The following CHRM3 variants were observed in gnomAD, a reference collection of about 807,000 sequenced individuals.
The protein encoded by CHRM3 is cholinergic receptor muscarinic 3.
A neutral mutation model predicts 41.8 loss-of-function variants in CHRM3; 11 were observed. That is an observed-to-expected ratio of 0.26 (90% CI 0.17 to 0.44). The LOEUF is 0.44. Ranked by LOEUF, CHRM3 falls within the 20% of genes least tolerant of loss-of-function variation. The pLI is 1.00. For missense variants in CHRM3, 571 were observed against 745.4 expected (o/e 0.77, Z 2.72); for synonymous variants, 297 against 301.4 (o/e 0.99, Z 0.15).
Position 239,909,236 on chromosome 1 carries a change from A to T in CHRM3, c.*12A>T. The T allele has an allele frequency of 4.4e-6, 7 of 1,588,104 alleles. No homozygotes were observed. The highest frequency in any genetic ancestry group is 6.0e-6 in the Non-Finnish European group (7 of 1,168,438). ...AGCAGGCCTTGTAGAATGAGGTTGT[A>T]TCAATAGCAGTGACAAAACGCACAC... On this transcript the variant is annotated 3_prime_UTR_variant, in exon 7 of 7. Coordinates refer to ENST00000676153, the MANE Select transcript of CHRM3 (RefSeq NM_001375978.1).
intron 1 of CHRM3, among the ~76,000 whole-genome samples, chr1:239,432,088 C>T (rs1558219050): frequency 6.6e-6 from 1 of 151,936 alleles, no homozygotes; most frequent in South Asian, 2.1e-4. Flanking sequence ...ATGGATCACG[C>T]CAAAATGGTT....
intron 6 of CHRM3, among the ~76,000 whole-genome samples, chr1:239,839,365 A>G (rs1021694154): frequency 2.0e-5 from 3 of 152,230 alleles, no homozygotes; most frequent in Non-Finnish European, 4.4e-5. Context: ...GTGGTTCTGC[A>G]TACTGATCAA....
At chr1:239,480,809 C>T (rs574662090) in intron 1 of CHRM3, among the ~76,000 whole-genome samples, 9 of 152,140 alleles carry the variant, frequency 5.9e-5, no homozygotes, top group Admixed American at 2.6e-4. Flanking sequence ...CTGCCCGCCT[C>T]GGCCTCCCAA....
intron 4 of CHRM3, among the ~76,000 whole-genome samples, chr1:239,662,859 CT>C: frequency 6.7e-6 from 1 of 149,956 alleles, no homozygotes; most frequent in Admixed American, 6.7e-5. Flanking sequence ...CTTCCTTCTC[CT>C]TCTCCTTTCT....
intron 4 of CHRM3, among the ~76,000 whole-genome samples, chr1:239,640,867 A>G (rs878964100): frequency 3.4e-5 from 5 of 147,284 alleles, no homozygotes; most frequent in African/African-American, 7.6e-5. Context: ...TAGGGTGTCA[A>G]TTTTGGATCT....
At chr1:239,638,379 G>A (rs1317988967) in intron 4 of CHRM3, among the ~76,000 whole-genome samples, 10 of 152,080 alleles carry the variant, frequency 6.6e-5, no homozygotes, top group East Asian at 3.9e-4. Flanking sequence ...AGTCCCACCA[G>A]CAGTGTAAAA....
chr1:239,472,395 C>T (rs905737424), intron 1 of CHRM3, among the ~76,000 whole-genome samples: 1 of 152,070 alleles, frequency 6.6e-6, no homozygotes, highest in East Asian at 1.9e-4. Flanking sequence ...TAGAGGAAGC[C>T]CTCATTGCTG....
intron 2 of CHRM3, among the ~76,000 whole-genome samples, chr1:239,497,137 G>C (rs1244938570): frequency 6.6e-6 from 1 of 152,132 alleles, no homozygotes; most frequent in Non-Finnish European, 1.5e-5. Flanking sequence ...CTGGTGGATG[G>C]TAAGGATTAG....
At chr1:239,559,168 G>C (rs1405981391) in intron 3 of CHRM3, among the ~76,000 whole-genome samples, 5 of 152,102 alleles carry the variant, frequency 3.3e-5, no homozygotes, top group Non-Finnish European at 1.5e-5. Flanking sequence ...AAGTCTATGA[G>C]TCTTATAAAC....
intron 6 of CHRM3, among the ~76,000 whole-genome samples, chr1:239,867,183 T>G (rs1436507500): frequency 5.3e-5 from 8 of 152,208 alleles, no homozygotes; most frequent in Non-Finnish European, 1.2e-4. Flanking sequence ...CCAAGTAGAA[T>G]TATAAAATAA....
chr1:239,859,417 T>G (rs1278623517), intron 6 of CHRM3, among the ~76,000 whole-genome samples: 1 of 110,980 alleles, frequency 9.0e-6, no homozygotes. Flanking sequence ...GTTGTTGTTG[T>G]TGTTTTTTTT....
chr1:239,657,778 T>G (rs1034889141), intron 4 of CHRM3, among the ~76,000 whole-genome samples: 12 of 152,352 alleles, frequency 7.9e-5, no homozygotes, highest in African/African-American at 2.9e-4. Context: ...GTGCCCTTTA[T>G]GACTTAGCAA....
intron 6 of CHRM3, among the ~76,000 whole-genome samples, chr1:239,888,585 G>A (rs1184858496): frequency 7.0e-6 from 1 of 143,212 alleles, no homozygotes; most frequent in Admixed American, 7.1e-5. Context: ...GCCAGAGAGT[G>A]AGACCCTGTC....
chr1:239,874,544 C>T (rs1178597288), intron 6 of CHRM3, among the ~76,000 whole-genome samples: 7 of 151,002 alleles, frequency 4.6e-5, no homozygotes, highest in African/African-American at 1.7e-4. Context: ...GTTGTGGATC[C>T]GATCCCTGAT....
chr1:239,548,547 A>C (rs1659507918), intron 3 of CHRM3, among the ~76,000 whole-genome samples: 1 of 152,212 alleles, frequency 6.6e-6, no homozygotes, highest in Admixed American at 6.5e-5. Flanking sequence ...TTTTTGCAAT[A>C]GCTTCTTCAG....
At chr1:239,831,652 C>T (rs1434072227) in intron 6 of CHRM3, among the ~76,000 whole-genome samples, 3 of 152,096 alleles carry the variant, frequency 2.0e-5, no homozygotes, top group Non-Finnish European at 4.4e-5. Flanking sequence ...TCAAGCATAG[C>T]CTGGCAAATA....
intron 6 of CHRM3, among the ~76,000 whole-genome samples, chr1:239,902,594 G>A (rs758254500): frequency 2.6e-5 from 4 of 152,264 alleles, no homozygotes; most frequent in Non-Finnish European, 5.9e-5. Flanking sequence ...AGAAGTCACA[G>A]TGGGTTTTAG....
intron 5 of CHRM3, among the ~76,000 whole-genome samples, chr1:239,809,271 C>T (rs1183330717): frequency 4.6e-5 from 7 of 152,136 alleles, no homozygotes; most frequent in South Asian, 4.2e-4. Flanking sequence ...CCGCCCGCCT[C>T]GGCCTCCCAA....
At chr1:239,555,407 C>A (rs1660256647) in intron 3 of CHRM3, among the ~76,000 whole-genome samples, 1 of 152,096 alleles carries the variant, frequency 6.6e-6, no homozygotes. Flanking sequence ...ATGGGATGTG[C>A]ACTTGAGACC....
Sources: allele counts gnomAD v4.1 joint callset (sites outside exome capture counted in the v4.1 genomes callset), GRCh38; gene constraint gnomAD v4.1.1; transcripts MANE v1.5; gene names NCBI Gene and HGNC (gene_info 2026-07-23, HGNC 2026-07-21).